The following ASIP variants were observed in gnomAD, a reference collection of about 807,000 sequenced individuals.
ASIP encodes the protein agouti signaling protein, also known as agouti-signaling protein.
A neutral mutation model predicts 10.3 loss-of-function variants in ASIP; 11 were observed. That is an observed-to-expected ratio of 1.07 (90% CI 0.68 to 1.78). ASIP has a LOEUF of 1.78. Ranked by LOEUF, ASIP falls within the 40% of genes most tolerant of loss-of-function variation. The pLI is 0.00. For synonymous variants in ASIP, 70 were observed against 70.8 expected, an observed-to-expected ratio of 0.99 and a Z score of 0.06; for missense variants, 180 against 169.2, an observed-to-expected ratio of 1.06 and a Z score of -0.35.
In ASIP at chr20:34,227,299, A is replaced by C. The variant is rs2035099584; in HGVS notation, c.-11+32539A>C. Among the ~76,000 whole-genome samples, 2 of 152,192 alleles carry C rather than the reference A, an allele frequency of 1.3e-5. 1 individual carries two copies. Among genetic ancestry groups the C allele is most frequent in the South Asian group, 4.1e-4 (2 of 4,832 alleles). Reference sequence around the variant, plus strand: ...TGTGCAAGACTCATATACTGAAACCATAAGACATTAATGAGAGAAATTAAT... The same window carrying C: ...TGTGCAAGACTCATATACTGAAACCCTAAGACATTAATGAGAGAAATTAAT... On this transcript the variant is annotated intron_variant, in intron 1 of 3. Transcript: ENST00000568305.
Position 34,235,852 on chromosome 20 carries a change from G to GA in ASIP, c.-10-24513_-10-24512insA, listed in dbSNP as rs1568756100. ...AAGAAAGAAAGAAAGAAGGAAGGAA[G>GA]GAAGGAAGGAAGGAAAGGAAGGAAG... On this transcript the variant is annotated intron_variant, in intron 1 of 3. Coordinates refer to the ASIP transcript ENST00000568305. 1.0e-4 allele frequency among the ~76,000 whole-genome samples: 4 copies of GA among 39,656 alleles called. No individual in the cohort carries two copies. The African/African-American group carries it at 1.4e-3, about 13-fold the overall frequency. The allele number at this position is 39,656 out of a possible 152,430, so 26.0% of individuals were successfully genotyped here. A position where few individuals can be genotyped will look rare whatever the true frequency, so the allele number is the denominator to read the frequency against.
chr20:34,220,700 T>C (rs1179763913), intron 1 of ASIP, among the ~76,000 whole-genome samples: 2 of 151,980 alleles, frequency 1.3e-5, no homozygotes, highest in Non-Finnish European at 2.9e-5. Context: ...ACTCCTGAAC[T>C]GACATAGGGA....
At chr20:34,213,512 G>A in intron 1 of ASIP, 1 of 1,474,330 alleles carries the variant, frequency 6.8e-7, no homozygotes, top group Non-Finnish European at 9.2e-7. Context: ...GCAGCAGACT[G>A]GTCATTTTCT....
chr20:34,244,820 C>T (rs1351045472), intron 1 of ASIP, among the ~76,000 whole-genome samples: 2 of 152,102 alleles, frequency 1.3e-5, no homozygotes, highest in African/African-American at 2.4e-5. Context: ...TTATTGTGCC[C>T]GTAGGGTGGA....
the ASIP span, among the ~76,000 whole-genome samples, chr20:34,189,361 G>A: frequency 6.6e-6 from 1 of 152,110 alleles, no homozygotes; most frequent in Non-Finnish European, 1.5e-5. Flanking sequence ...TCCTGCCTCA[G>A]CCTCCTGAGT....
upstream of ASIP, among the ~76,000 whole-genome samples, chr20:34,237,917 T>C (rs1184220994): frequency 6.6e-6 from 1 of 152,192 alleles, no homozygotes; most frequent in African/African-American, 2.4e-5. Context: ...TAATCTGATA[T>C]AGGATTCTTG....
rs1408868142 is a variant in ASIP, at chr20:34,235,199, T to G, written c.-10-25166T>G. ...GCTCACGCCTGTAATCCCAGCACTT[T>G]GAGAGGCCGAGGTGGGCAGATCATG... On this transcript the variant is annotated intron_variant, in intron 1 of 3. Transcript: ENST00000568305. Among the ~76,000 whole-genome samples the G allele has an allele frequency of 3.9e-5, 6 of 152,242 alleles. No individual in the cohort carries two copies. The East Asian group carries it at 1.2e-3, about 29-fold the overall frequency.
At chr20:34,212,411 A>G (rs2034980256) in intron 1 of ASIP, among the ~76,000 whole-genome samples, 1 of 152,210 alleles carries the variant, frequency 6.6e-6, no homozygotes, top group South Asian at 2.1e-4. Context: ...AGTAAATTTC[A>G]TACATATACA....
At chr20:34,213,613 G>A (rs2034988748) in intron 1 of ASIP, 1 of 1,565,590 alleles carries the variant, frequency 6.4e-7, no homozygotes, top group East Asian at 2.2e-5. Flanking sequence ...CTTGAATTTG[G>A]CCGTAATCTG....
chr20:34,224,228 TAA>T (rs143196814), intron 1 of ASIP, among the ~76,000 whole-genome samples: 18 of 131,542 alleles, frequency 1.4e-4, no homozygotes, highest in African/African-American at 4.7e-4. Context: ...AAAAATAAAT[TAA>T]AAAAAAAAAA....
intron 1 of ASIP, among the ~76,000 whole-genome samples, chr20:34,207,600 C>T (rs2034945798): frequency 6.6e-6 from 1 of 152,086 alleles, no homozygotes; most frequent in African/African-American, 2.4e-5. Flanking sequence ...AAATCTTTGC[C>T]AGGACCAACA....
At chr20:34,256,806 C>T (rs1375324082) in intron 1 of ASIP, among the ~76,000 whole-genome samples, 1 of 152,126 alleles carries the variant, frequency 6.6e-6, no homozygotes, top group Admixed American at 6.5e-5. Context: ...GATAGAGTCT[C>T]ACTGTGTTGC....
intron 1 of ASIP, among the ~76,000 whole-genome samples, chr20:34,248,943 C>A (rs957200568): frequency 5.3e-5 from 8 of 150,460 alleles, no homozygotes; most frequent in African/African-American, 2.0e-4. Context: ...CATGGTAAAA[C>A]CCCATCTCTA....
At chr20:34,247,598 A>AC (rs2035401384) in intron 1 of ASIP, among the ~76,000 whole-genome samples, 1 of 151,388 alleles carries the variant, frequency 6.6e-6, no homozygotes, top group Admixed American at 6.6e-5. Context: ...TACCCTGCTG[A>AC]TGCTTTTTCT....
At chr20:34,214,368 G>A (rs532062388) in intron 1 of ASIP, 104 of 1,322,112 alleles carry the variant, frequency 7.9e-5, no homozygotes, top group East Asian at 6.4e-4. Context: ...GAACTCCAAC[G>A]TCACAGATGT....
At chr20:34,208,024 G>A (rs968284183) in intron 1 of ASIP, among the ~76,000 whole-genome samples, 11 of 152,050 alleles carry the variant, frequency 7.2e-5, no homozygotes, top group African/African-American at 9.6e-5. Flanking sequence ...TGATCCACCC[G>A]CCTCGGCTTT....
At chr20:34,216,454 A>G (rs2035009755) in intron 1 of ASIP, among the ~76,000 whole-genome samples, 1 of 152,138 alleles carries the variant, frequency 6.6e-6, no homozygotes, top group Admixed American at 6.5e-5. Context: ...TTGAAGTCCA[A>G]TATTTTATTT....
intron 1 of ASIP, among the ~76,000 whole-genome samples, chr20:34,235,717 G>A (rs1273430478): frequency 8.6e-5 from 13 of 150,352 alleles, no homozygotes; most frequent in Non-Finnish European, 1.6e-4. Context: ...CCAGGAAGTC[G>A]TGGCTGAAGT....
At chr20:34,216,491 G>C (rs79748766) in intron 1 of ASIP, among the ~76,000 whole-genome samples, 1 of 152,188 alleles carries the variant, frequency 6.6e-6, no homozygotes, top group African/African-American at 2.4e-5. Flanking sequence ...TACATTTTAT[G>C]TTCTACCTAT....
Sources: gnomAD v4.1 joint callset for allele counts (sites outside exome capture counted in the v4.1 genomes callset) on GRCh38, gnomAD v4.1.1 for gene constraint, MANE v1.5 for transcripts, NCBI Gene and HGNC (gene_info 2026-07-23, HGNC 2026-07-21) for gene names.